EPHA6: variants seen among roughly 807,000 people sequenced by gnomAD.
EPHA6 encodes EPH receptor A6, also known as ephrin type-A receptor 6.
Under a neutral mutation model 112.0 loss-of-function variants are expected in EPHA6, and 50 were observed. The ratio of observed to expected loss-of-function variants is 0.45; its 90% confidence interval spans 0.36 to 0.56. The LOEUF (loss-of-function observed/expected upper bound fraction) is 0.56, where lower values mean the gene tolerates loss of function less well. EPHA6 is among the 20% of genes least tolerant of loss of function. The pLI is 0.00. For missense variants in EPHA6, 1,280 were observed against 1,417.4 expected, an observed-to-expected ratio of 0.90 and a Z score of 1.56; for synonymous variants, 529 against 490.7, an observed-to-expected ratio of 1.08 and a Z score of -1.03.
At chr3:97,091,676 T>A (rs540289420) in intron 3 of EPHA6, among the ~76,000 whole-genome samples, 1 of 152,226 alleles carries the variant, frequency 6.6e-6, no homozygotes, top group Non-Finnish European at 1.5e-5. Context: ...TTTGTGGTGA[T>A]TAAAGGGAGA....
chr3:97,642,490 C>T (rs989034632), intron 14 of EPHA6, among the ~76,000 whole-genome samples: 4 of 145,824 alleles, frequency 2.7e-5, no homozygotes, highest in African/African-American at 5.1e-5. Context: ...TCAAATTACT[C>T]GGAGCTACGG....
At chr3:97,374,764 G>A (rs902078541) in intron 5 of EPHA6, among the ~76,000 whole-genome samples, 1 of 152,040 alleles carries the variant, frequency 6.6e-6, no homozygotes, top group Admixed American at 6.6e-5. Flanking sequence ...ATAAAATTAT[G>A]TCCTTTACAA....
At chr3:96,897,768 A>T (rs549581616) in intron 2 of EPHA6, among the ~76,000 whole-genome samples, 1 of 152,332 alleles carries the variant, frequency 6.6e-6, no homozygotes, top group East Asian at 1.9e-4. Flanking sequence ...ATGCATTGCA[A>T]AATTCTAAAT....
intron 3 of EPHA6, among the ~76,000 whole-genome samples, chr3:97,002,713 G>C (rs989508953): frequency 1.3e-5 from 2 of 151,888 alleles, no homozygotes; most frequent in African/African-American, 4.8e-5. Flanking sequence ...AAAGAAGTCA[G>C]ACTCAAAATT....
At chr3:96,999,700 T>G (rs543616411) in intron 3 of EPHA6, among the ~76,000 whole-genome samples, 82 of 152,044 alleles carry the variant, frequency 5.4e-4, no homozygotes, top group African/African-American at 1.9e-3. Flanking sequence ...AATATAGATA[T>G]TGATCCTCAT....
intron 4 of EPHA6, 60 bp from the exon 5 acceptor site, chr3:97,243,892 T>C: frequency 7.8e-7 from 1 of 1,284,000 alleles, no homozygotes; most frequent in East Asian, 2.5e-5. Flanking sequence ...AGTTTTCATT[T>C]TAGCGCCATA....
At chr3:97,559,507 C>A in intron 11 of EPHA6, 1 of 385,824 alleles carries the variant, frequency 2.6e-6, no homozygotes. Flanking sequence ...ACTAAGAAGG[C>A]ACAAAGAAAT....
chr3:97,253,099 G>C (rs1559829628), intron 5 of EPHA6, among the ~76,000 whole-genome samples: 1 of 151,698 alleles, frequency 6.6e-6, no homozygotes, highest in Non-Finnish European at 1.5e-5. Flanking sequence ...GTTTGTCTAC[G>C]TGAAAAAAAA....
At chr3:96,998,659 G>T (rs905272769) in intron 3 of EPHA6, among the ~76,000 whole-genome samples, 6 of 151,820 alleles carry the variant, frequency 4.0e-5, no homozygotes, top group African/African-American at 1.2e-4. Flanking sequence ...TATAGGTTCT[G>T]TATTTTTGGT....
In EPHA6 at chr3:97,226,432, A is replaced by G; in HGVS notation, c.1270+13A>G. ...ATGGCATGTACCAGTAAGTCTATAC[A>G]TTTTGGATTTGGAAATTCTGTTTCC... On this transcript the variant is annotated intron_variant, in intron 4 of 17. Coordinates refer to ENST00000389672, the MANE Select transcript of EPHA6 (RefSeq NM_001080448.3). 1 of 1,582,808 alleles carries G rather than the reference A, an allele frequency of 6.3e-7. No homozygotes were observed. Among genetic ancestry groups the G allele is most frequent in the Non-Finnish European group, 8.6e-7 (1 of 1,168,044 alleles).
chr3:97,451,160 T>A (rs2090515160), intron 7 of EPHA6, among the ~76,000 whole-genome samples: 1 of 152,024 alleles, frequency 6.6e-6, no homozygotes. Flanking sequence ...TTTAGCCATA[T>A]TAAGGATATT....
chr3:97,656,363 C>G (rs1201549735), intron 14 of EPHA6, among the ~76,000 whole-genome samples: 1 of 151,812 alleles, frequency 6.6e-6, no homozygotes, highest in African/African-American at 2.4e-5. Flanking sequence ...CAAGAAACTT[C>G]AGATTCTTCC....
At chr3:97,178,745 TTTC>T (rs1220120986) in intron 3 of EPHA6, among the ~76,000 whole-genome samples, 31 of 152,126 alleles carry the variant, frequency 2.0e-4, no homozygotes, top group African/African-American at 7.0e-4. Flanking sequence ...ATGTTATTCG[TTTC>T]TTTTCTCTTG....
intron 5 of EPHA6, among the ~76,000 whole-genome samples, chr3:97,326,238 TTAA>T (rs2082413730): frequency 6.6e-6 from 1 of 152,016 alleles, no homozygotes; most frequent in African/African-American, 2.4e-5. Context: ...TGGAATCCCC[TTAA>T]TAATATCAGT....
chr3:97,730,974 G>A (rs969345503), intron 15 of EPHA6, among the ~76,000 whole-genome samples: 1 of 152,106 alleles, frequency 6.6e-6, no homozygotes, highest in African/African-American at 2.4e-5. Flanking sequence ...GTGAGCCATT[G>A]CAGAATTTCA....
rs143071148 is a variant in EPHA6, at chr3:97,684,909, G to A, written c.2785-35352G>A. Among the ~76,000 whole-genome samples the A allele has an allele frequency of 3.2e-3, 493 of 152,292 alleles. 3 individuals carry two copies. The highest frequency in any genetic ancestry group is 9.2e-3 in the African/African-American group (382 of 41,562). ...TTTTGATAATGTGATAATACAGCGT[G>A]TACAATTTTAAAAACCCCATACCTT... On this transcript the variant is annotated intron_variant, in intron 14 of 17. Coordinates refer to ENST00000389672, the MANE Select transcript of EPHA6 (RefSeq NM_001080448.3).
At chr3:97,328,608 C>A (rs1025256561) in intron 5 of EPHA6, among the ~76,000 whole-genome samples, 1 of 151,880 alleles carries the variant, frequency 6.6e-6, no homozygotes, top group Non-Finnish European at 1.5e-5. Flanking sequence ...ACTCGTTTGT[C>A]AGATACACAG....
intron 2 of EPHA6, among the ~76,000 whole-genome samples, chr3:96,938,716 G>T (rs1202515201): frequency 6.6e-6 from 1 of 151,516 alleles, no homozygotes; most frequent in African/African-American, 2.4e-5. Context: ...TCCAGTTTTT[G>T]CCCATTCAGT....
intron 3 of EPHA6, among the ~76,000 whole-genome samples, chr3:97,177,658 A>T (rs904897946): frequency 3.3e-5 from 5 of 151,830 alleles, no homozygotes; most frequent in Admixed American, 1.3e-4. Context: ...TATATTTACA[A>T]TTATGATATC....
Sources: allele counts gnomAD v4.1 joint callset (sites outside exome capture counted in the v4.1 genomes callset), GRCh38; gene constraint gnomAD v4.1.1; transcripts MANE v1.5; gene names NCBI Gene and HGNC (gene_info 2026-07-23, HGNC 2026-07-21).